Variants in TRPV3 observed in about 807,000 individuals in gnomAD.
TRPV3 encodes the protein VRL-3.
In TRPV3, 88 loss-of-function variants were observed where a neutral mutation model predicts 87.1. The observed-to-expected ratio is 1.01, with a 90% CI of 0.85 to 1.21. The LOEUF (loss-of-function observed/expected upper bound fraction) is 1.21, where lower values mean the gene tolerates loss of function less well. Among genes scored for constraint, TRPV3 ranks in the 50% most tolerant of loss-of-function variants. The pLI, the probability that TRPV3 is intolerant of heterozygous loss-of-function variation, is 0.00. For synonymous variants in TRPV3, 438 were observed against 423.3 expected, an observed-to-expected ratio of 1.03 and a Z score of -0.43; for missense variants, 1,054 against 1,030.1, an observed-to-expected ratio of 1.02 and a Z score of -0.32.
chr17:3,527,516 C>A (rs1481878659), intron 11 of TRPV3, among the ~76,000 whole-genome samples: 3 of 152,208 alleles, frequency 2.0e-5, no homozygotes, highest in Non-Finnish European at 4.4e-5. Context: ...CTCGTCCCAA[C>A]CCTGTCACCT....
rs2074128610 is a variant in TRPV3, at chr17:3,512,654, A to C, written c.*1263T>G. On this transcript the variant is annotated 3_prime_UTR_variant, in exon 18 of 18. Coordinates refer to ENST00000576742, the MANE Select transcript of TRPV3 (RefSeq NM_145068.4). Reference sequence around the variant, plus strand: ...GGTGGTTTCGGCCCCAGTCACCTGGAAAATCCTTCCGTCTCCACTTCACCT... The same window carrying C: ...GGTGGTTTCGGCCCCAGTCACCTGGCAAATCCTTCCGTCTCCACTTCACCT... 1 of 152,120 alleles carries C rather than the reference A, an allele frequency of 6.6e-6. No homozygotes were observed. The highest frequency in any genetic ancestry group is 6.6e-5 in the Admixed American group (1 of 15,266). 9.4% of individuals were successfully genotyped at this position (152,120 alleles called of 1,614,324 possible).
rs1265463129 is a variant in TRPV3 at position 3,512,967 on chromosome 17, C to G, written c.*950G>C. On this transcript the variant is annotated 3_prime_UTR_variant, in exon 18 of 18. Transcript: ENST00000576742. ...GCTTCAGCGAAAGCCACGATCCCAG[C>G]ACACAGGCACGCGCTACTGTGAGGT... The G allele has an allele frequency of 1.3e-5, 2 of 152,144 alleles. No individual in the cohort carries two copies. Among genetic ancestry groups the G allele is most frequent in the Admixed American group, 1.3e-4 (2 of 15,256 alleles). The allele number at this position is 152,144 out of a possible 1,614,324, so 9.4% of individuals were successfully genotyped here.
intron 15 of TRPV3, among the ~76,000 whole-genome samples, chr17:3,516,974 G>A (rs9896629): frequency 2.0e-5 from 3 of 151,938 alleles, no homozygotes; most frequent in Admixed American, 6.5e-5. Flanking sequence ...GGCAAAAGCC[G>A]GTCTCTACTA....
chr17:3,543,582 T>C lies in TRPV3; in HGVS notation c.358A>G (p.Lys120Glu), dbSNP rs1597487662. 1 of 1,614,152 alleles carries C rather than the reference T, an allele frequency of 6.2e-7. No individual in the cohort carries two copies. Among genetic ancestry groups the C allele is most frequent in the East Asian group, 2.2e-5 (1 of 44,882 alleles). Residue 120 changes from lysine (K) to glutamate (E), a missense_variant, in exon 5 of 18, where the codon AAG becomes GAG. Lys to Glu is a moderately conservative substitution (Grantham distance 56, BLOSUM62 1). Coordinates refer to ENST00000576742, the MANE Select transcript of TRPV3 (RefSeq NM_145068.4). ...EEQRRKKRRL[K>E]KRIFAAVSEG... ...GACACGGCTGCAAAGATGCGCTTCT[T>C]CAGCCGCCTCTTTTTCCTCCTCTGC...
At chr17:3,516,143 G>A (rs147991646) in intron 16 of TRPV3, among the ~76,000 whole-genome samples, 10 of 151,986 alleles carry the variant, frequency 6.6e-5, no homozygotes, top group East Asian at 1.9e-4. Context: ...CCAAGATTGC[G>A]CCATTGCACT....
intron 15 of TRPV3, 150 bp from the exon 16 acceptor site, chr17:3,516,719 A>T (rs906637199): frequency 9.2e-6 from 6 of 652,414 alleles, no homozygotes; most frequent in Non-Finnish European, 1.4e-5. Flanking sequence ...TTCAAAGACA[A>T]AAAAGCAGGC....
At position 3,532,896 on chromosome 17, in the gene TRPV3, C is replaced by T. The variant is rs760449958; in HGVS notation, c.826G>A (p.Glu276Lys). The part of the protein sequence containing the change: ...LALAACTNQP[E>K]IVQLLMEHEQ... ...TGCTCCATCAGCAGCTGCACAATCT[C>T]GGGCTGGTTGGTGCATGCTGCCAGG... The change falls in exon 8 of 18, where the codon GAG becomes AAG. Residue 276 changes from glutamate to lysine, a missense_variant. Transcript: ENST00000576742. The T allele has an allele frequency of 3.5e-5, 56 of 1,614,104 alleles. No homozygotes were observed. Among genetic ancestry groups the T allele is most frequent in the Middle Eastern group, 1.6e-4 (1 of 6,084 alleles).
Position 3,545,153 on chromosome 17 carries a change from G to C in TRPV3, c.224+14C>G. ...GGGCCCAGGGCAAGGGGTTGGGCTGGGGCCCGTACTCACCACTGCCGGATG... is the reference window on the plus strand; with the variant it reads ...GGGCCCAGGGCAAGGGGTTGGGCTGCGGCCCGTACTCACCACTGCCGGATG... On this transcript the variant is annotated intron_variant, in intron 3 of 17. Coordinates refer to ENST00000576742, the MANE Select transcript of TRPV3 (RefSeq NM_145068.4). 6.2e-7 allele frequency: 1 copy of C among 1,604,276 alleles called. No homozygotes were observed. Among genetic ancestry groups the C allele is most frequent in the Non-Finnish European group, 8.5e-7 (1 of 1,171,924 alleles).
intron 16 of TRPV3, among the ~76,000 whole-genome samples, chr17:3,515,430 G>C (rs545178279): frequency 6.6e-6 from 1 of 152,130 alleles, no homozygotes; most frequent in Non-Finnish European, 1.5e-5. Context: ...GGAGGCCGAG[G>C]GGGGTGGATC....
chr17:3,521,506 T>C (rs1406046460), intron 13 of TRPV3, among the ~76,000 whole-genome samples: 1 of 152,218 alleles, frequency 6.6e-6, no homozygotes, highest in African/African-American at 2.4e-5. Context: ...CAATACCGTG[T>C]TGTGTACTAG....
chr17:3,526,515 C>T (rs9900903), intron 12 of TRPV3, among the ~76,000 whole-genome samples: 13,630 of 151,784 alleles, frequency 0.09, 1,698 homozygotes, highest in African/African-American at 0.27. Flanking sequence ...AACAGGACTG[C>T]TAAGCCTGTT....
At chr17:3,526,299 G>A (rs953242169) in intron 12 of TRPV3, among the ~76,000 whole-genome samples, 2 of 151,952 alleles carry the variant, frequency 1.3e-5, no homozygotes, top group African/African-American at 2.4e-5. Context: ...CCAACATGGC[G>A]AAACCCTGTC....
intron 3 of TRPV3, 80 bp from the exon 4 acceptor site, chr17:3,544,745 CCAGCA>C: frequency 9.5e-7 from 1 of 1,051,804 alleles, no homozygotes; most frequent in East Asian, 2.6e-5. Context: ...GCATGTAATC[CCAGCA>C]CTTTGGGAGG....
chr17:3,521,108 C>T lies in TRPV3; in HGVS notation c.1744-69G>A, dbSNP rs1322445374. 5 of 847,266 alleles carry T rather than the reference C, an allele frequency of 5.9e-6. No individual in the cohort carries two copies. The East Asian group carries it at 1.6e-4, about 26-fold the overall frequency. 52.5% of individuals were successfully genotyped at this position (847,266 alleles called of 1,614,324 possible). On this transcript the variant is annotated intron_variant, in intron 13 of 17. Coordinates refer to ENST00000576742, the MANE Select transcript of TRPV3 (RefSeq NM_145068.4). ...TATTCACGGCACCCTGATCTTCCTG[C>T]TTCCCACCCTCTCCCACCCCCCACC...
rs1385380136 is a variant in TRPV3, at chr17:3,557,760, G to A, written c.-87C>T. 1 of 152,356 alleles carries A rather than the reference G, an allele frequency of 6.6e-6. No individual in the cohort carries two copies. The highest frequency in any genetic ancestry group is 1.9e-4 in the East Asian group (1 of 5,198). 9.4% of individuals were successfully genotyped at this position (152,356 alleles called of 1,614,324 possible). On this transcript the variant is annotated 5_prime_UTR_variant, in exon 1 of 18. Transcript: ENST00000576742. This position sits in a 1 kb window ranked among gnomAD's most constrained non-coding sequence, Gnocchi z 4.5. ...CCCAAGGCCCCCGGGTGGGACTGTG[G>A]CTGAGGCGGCGGGAAGCTCTCATTG...
chr17:3,529,330 C>T lies in TRPV3; in HGVS notation c.1243-335G>A, dbSNP rs372512616. On this transcript the variant is annotated intron_variant, in intron 9 of 17. Transcript: ENST00000576742. The stretch of plus-strand genomic sequence containing the variant: ...CTTTGCTGTGTGACTTTAGGACAGA[C>T]CCTGACCCTCTCTGGGCCTCAGACT... Among the ~76,000 whole-genome samples, 5 of 152,210 alleles carry T rather than the reference C, an allele frequency of 3.3e-5. No homozygotes were observed. The East Asian group carries it at 7.7e-4, about 24-fold the overall frequency.
At chr17:3,526,978 G>T in intron 11 of TRPV3, 51 bp from the exon 12 acceptor site, 1 of 1,443,402 alleles carries the variant, frequency 6.9e-7, no homozygotes, top group South Asian at 1.2e-5. Flanking sequence ...GCCCTCAGCA[G>T]GGGAGCTGAG....
chr17:3,513,076 T>C lies in TRPV3; in HGVS notation c.*841A>G, dbSNP rs548484005. On this transcript the variant is annotated 3_prime_UTR_variant, in exon 18 of 18. Coordinates refer to ENST00000576742, the MANE Select transcript of TRPV3 (RefSeq NM_145068.4). Reference sequence around the variant, plus strand: ...GCCCGGAGTGTCTCATGCAGACTTTTGTGTGTGTGAAGAAAAGCTTTTTGT... The same window carrying C: ...GCCCGGAGTGTCTCATGCAGACTTTCGTGTGTGTGAAGAAAAGCTTTTTGT... 4 of 152,634 alleles carry C rather than the reference T, an allele frequency of 2.6e-5. No individual in the cohort carries two copies. The highest frequency in any genetic ancestry group is 1.3e-4 in the Admixed American group (2 of 15,300). The allele number at this position is 152,634 out of a possible 1,614,324, so 9.5% of individuals were successfully genotyped here.
chr17:3,529,763 G>A (rs867501135), intron 9 of TRPV3, among the ~76,000 whole-genome samples: 1 of 151,676 alleles, frequency 6.6e-6, no homozygotes, highest in Non-Finnish European at 1.5e-5. Flanking sequence ...CTGGATACTC[G>A]GTCCAGAAGA....
Sources: allele counts gnomAD v4.1 joint callset (sites outside exome capture counted in the v4.1 genomes callset), GRCh38; gene constraint gnomAD v4.1.1; non-coding constraint Gnocchi (gnomAD v3.1); transcripts MANE v1.5; gene names NCBI Gene and HGNC (gene_info 2026-07-23, HGNC 2026-07-21).